The following GPC5 variants were observed in gnomAD, a reference collection of about 807,000 sequenced individuals.
The protein encoded by GPC5 is glypican-5.
Under a neutral mutation model 53.9 loss-of-function variants are expected in GPC5, and 47 were observed. The ratio of observed to expected loss-of-function variants is 0.87; its 90% CI spans 0.69 to 1.11. GPC5 has a LOEUF of 1.11. Ranked by LOEUF, GPC5 falls within the 50% of genes most tolerant of loss-of-function variation. GPC5 has a pLI of 0.00. For missense variants in GPC5, 748 were observed against 713.1 expected, an observed-to-expected ratio of 1.05 and a Z score of -0.56; for synonymous variants, 286 against 263.3, an observed-to-expected ratio of 1.09 and a Z score of -0.84.
intron 2 of GPC5, among the ~76,000 whole-genome samples, chr13:91,572,824 C>A (rs1209494695): frequency 6.6e-6 from 1 of 152,094 alleles, no homozygotes; most frequent in Non-Finnish European, 1.5e-5. Context: ...TTACTTCTAA[C>A]ACAAAGTTTA....
intron 2 of GPC5, among the ~76,000 whole-genome samples, chr13:91,512,170 G>A (rs183983651): frequency 4.5e-4 from 68 of 152,244 alleles, no homozygotes; most frequent in African/African-American, 1.6e-3. Flanking sequence ...TCCAGAAATC[G>A]CTCTATGTTT....
At chr13:92,550,688 A>G (rs1882282117) in intron 7 of GPC5, among the ~76,000 whole-genome samples, 2 of 151,916 alleles carry the variant, frequency 1.3e-5, no homozygotes, top group African/African-American at 4.8e-5. Flanking sequence ...GTAAAGGTAC[A>G]CTGAAGATTT....
At chr13:91,684,751 T>A (rs1254428312) in intron 2 of GPC5, among the ~76,000 whole-genome samples, 1 of 152,210 alleles carries the variant, frequency 6.6e-6, no homozygotes, top group Non-Finnish European at 1.5e-5. Context: ...ATGAACAGCA[T>A]CACATTTCTC....
intron 7 of GPC5, among the ~76,000 whole-genome samples, chr13:92,470,382 A>G (rs1180597413): frequency 6.6e-6 from 1 of 152,124 alleles, no homozygotes; most frequent in Admixed American, 6.6e-5. Flanking sequence ...TTTTTATTAT[A>G]CCTTAAGTTC....
chr13:92,781,334 C>T (rs1485203552), intron 7 of GPC5, among the ~76,000 whole-genome samples: 1 of 151,926 alleles, frequency 6.6e-6, no homozygotes, highest in Non-Finnish European at 1.5e-5. Context: ...TGTGATATTT[C>T]CTTTCACTTT....
At chr13:92,297,733 G>A (rs2043046951) in intron 7 of GPC5, among the ~76,000 whole-genome samples, 1 of 152,198 alleles carries the variant, frequency 6.6e-6, no homozygotes, top group East Asian at 1.9e-4. Flanking sequence ...GATGTGGGTG[G>A]GGCCAGATAA....
At chr13:91,609,417 A>T (rs2033478507) in intron 2 of GPC5, among the ~76,000 whole-genome samples, 1 of 152,188 alleles carries the variant, frequency 6.6e-6, no homozygotes, top group Non-Finnish European at 1.5e-5. Flanking sequence ...CAACGTACTG[A>T]TTCCCAGGAG....
Position 91,571,876 on chromosome 13 carries a change from C to CGTGTGTGTATAT in GPC5, c.326-121311_326-121310insGTGTGTGTATAT, listed in dbSNP as rs1566515903. Among the ~76,000 whole-genome samples the CGTGTGTGTATAT allele has an allele frequency of 1.4e-3, 140 of 100,918 alleles. 20 individuals carry two copies. The highest frequency in any genetic ancestry group is 6.2e-3 in the African/African-American group (133 of 21,558). The allele number at this position is 100,918 out of a possible 152,430, so 66.2% of individuals were successfully genotyped here. A position where few individuals can be genotyped will look rare whatever the true frequency, so the allele number is the denominator to read the frequency against. ...ACACATATACGTGTGTGTATATATACACACATATACGTGTGTATATACACA... is the reference window on the plus strand; with the variant it reads ...ACACATATACGTGTGTGTATATATACGTGTGTGTATATACACATATACGTGTGTATATACACA... On this transcript the variant is annotated intron_variant, in intron 2 of 7. Coordinates refer to ENST00000377067, the MANE Select transcript of GPC5 (RefSeq NM_004466.6).
intron 7 of GPC5, among the ~76,000 whole-genome samples, chr13:92,780,347 G>A (rs1476444421): frequency 2.0e-5 from 3 of 148,322 alleles, no homozygotes; most frequent in East Asian, 4.0e-4. Context: ...ATATAATTAA[G>A]TGTAATTTAT....
chr13:92,039,504 C>A (rs1594738998), intron 6 of GPC5, among the ~76,000 whole-genome samples: 1 of 152,246 alleles, frequency 6.6e-6, no homozygotes, highest in East Asian at 1.9e-4. Context: ...AAGGCATAAG[C>A]AAGTAAGGAA....
At chr13:91,827,886 T>G (rs895265452) in intron 5 of GPC5, among the ~76,000 whole-genome samples, 1 of 152,046 alleles carries the variant, frequency 6.6e-6, no homozygotes, top group Non-Finnish European at 1.5e-5. Context: ...GACTTGTTTA[T>G]ACGTACTCAC....
chr13:92,828,615 C>G (rs568518401), intron 7 of GPC5, among the ~76,000 whole-genome samples: 127 of 152,224 alleles, frequency 8.3e-4, no homozygotes, highest in African/African-American at 3.1e-3. Context: ...CCCGGACCTC[C>G]TGGACCTCCA....
At chr13:92,539,248 T>C (rs1358235301) in intron 7 of GPC5, among the ~76,000 whole-genome samples, 1 of 151,864 alleles carries the variant, frequency 6.6e-6, no homozygotes, top group East Asian at 1.9e-4. Flanking sequence ...ATCGCCACAC[T>C]GTCTTCCACA....
chr13:91,487,907 T>C (rs1307200013), intron 2 of GPC5, among the ~76,000 whole-genome samples: 1 of 145,086 alleles, frequency 6.9e-6, no homozygotes, highest in Non-Finnish European at 1.5e-5. Flanking sequence ...TGTGTACATT[T>C]GAACACTGGA....
intron 7 of GPC5, among the ~76,000 whole-genome samples, chr13:92,554,728 AT>A (rs1431399603): frequency 2.6e-5 from 4 of 151,030 alleles, no homozygotes; most frequent in Non-Finnish European, 5.9e-5. Flanking sequence ...ATTATATAAA[AT>A]ATTAAAATTT....
chr13:92,570,613 A>G (rs1882993793), intron 7 of GPC5, among the ~76,000 whole-genome samples: 2 of 152,112 alleles, frequency 1.3e-5, no homozygotes, highest in South Asian at 4.1e-4. Flanking sequence ...TTAACCTTCA[A>G]TTAATTAATG....
chr13:92,629,374 T>C (rs779803877), intron 7 of GPC5, among the ~76,000 whole-genome samples: 1 of 152,194 alleles, frequency 6.6e-6, no homozygotes, highest in East Asian at 1.9e-4. Flanking sequence ...GTATCAGGTC[T>C]TAACTGCTGG....
At chr13:92,376,866 A>C (rs1360163150) in intron 7 of GPC5, among the ~76,000 whole-genome samples, 1 of 152,080 alleles carries the variant, frequency 6.6e-6, no homozygotes, top group Admixed American at 6.6e-5. Context: ...AATACAAAAA[A>C]TTAGCCAGGC....
chr13:92,586,979 C>T (rs749009204), intron 7 of GPC5, among the ~76,000 whole-genome samples: 9 of 151,734 alleles, frequency 5.9e-5, no homozygotes, highest in Non-Finnish European at 1.0e-4. Context: ...CACACACACA[C>T]GCACACACAC....
Sources: allele counts gnomAD v4.1 joint callset (sites outside exome capture counted in the v4.1 genomes callset), GRCh38; gene constraint gnomAD v4.1.1; transcripts MANE v1.5; gene names NCBI Gene and HGNC (gene_info 2026-07-23, HGNC 2026-07-21).